ELOC: variants seen among roughly 807,000 people sequenced by gnomAD.
ELOC encodes elongin-C.
For missense variants in ELOC, 38 were observed against 139.0 expected, an observed-to-expected ratio of 0.27 and a Z score of 3.65; for synonymous variants, 40 against 51.3, an observed-to-expected ratio of 0.78 and a Z score of 0.94.
At chr8:73,951,158 G>T (rs1813731453) in intron 3 of ELOC, among the ~76,000 whole-genome samples, 1 of 152,156 alleles carries the variant, frequency 6.6e-6, no homozygotes, top group East Asian at 1.9e-4. Flanking sequence ...TGTAATACCA[G>T]CTACTCAGGA....
At chr8:73,948,265 T>C (rs544572850) in intron 3 of ELOC, among the ~76,000 whole-genome samples, 1 of 152,036 alleles carries the variant, frequency 6.6e-6, no homozygotes, top group South Asian at 2.1e-4. Context: ...TCCCTGTGGG[T>C]TGGAAACTTA....
At chr8:73,959,132 C>A (rs1042769807) in intron 2 of ELOC, among the ~76,000 whole-genome samples, 20 of 152,294 alleles carry the variant, frequency 1.3e-4, no homozygotes, top group African/African-American at 4.6e-4. Context: ...CTGGAAATTG[C>A]TCTGTGTGAG....
chr8:73,967,463 CTTTTCTTTTT>C (rs1230140272), intron 1 of ELOC, among the ~76,000 whole-genome samples: 1 of 136,744 alleles, frequency 7.3e-6, no homozygotes, highest in Non-Finnish European at 1.6e-5. Flanking sequence ...ATATAATTTT[CTTTTCTTTTT>C]TTTTTTTTTT....
chr8:73,952,376 C>T (rs1425210944), intron 3 of ELOC, among the ~76,000 whole-genome samples: 1 of 151,416 alleles, frequency 6.6e-6, no homozygotes, highest in African/African-American at 2.4e-5. Context: ...CACTGCACTC[C>T]AGCCTGGGTG....
rs369086622 is a variant in ELOC, at chr8:73,946,310, G to A, written c.*320C>T. The A allele has an allele frequency of 1.5e-5, 3 of 204,008 alleles. No homozygotes were observed. Among genetic ancestry groups the A allele is most frequent in the South Asian group, 1.4e-4 (1 of 7,082 alleles). 12.6% of individuals were successfully genotyped at this position (204,008 alleles called of 1,614,324 possible). On this transcript the variant is annotated 3_prime_UTR_variant, in exon 4 of 4. Coordinates refer to ENST00000520242, the MANE Select transcript of ELOC (RefSeq NM_005648.4). ...TAGCCTCATTATTTCCCTGTAGAAC[G>A]TATTGATTTACACCTAAATTTCAGT...
rs185970821 is a variant in ELOC at position 73,948,925 on chromosome 8, G to C, written c.149-2105C>G. On this transcript the variant is annotated intron_variant, in intron 3 of 3. Coordinates refer to ENST00000520242, the MANE Select transcript of ELOC (RefSeq NM_005648.4). Reference sequence around the variant, plus strand: ...AGGAATTCCATTGTTTCCTCCTTTAGTTTTTTTAAAAATATGATCATGTTA... The same window carrying C: ...AGGAATTCCATTGTTTCCTCCTTTACTTTTTTTAAAAATATGATCATGTTA... Among the ~76,000 whole-genome samples, 671 of 152,196 alleles carry C rather than the reference G, an allele frequency of 4.4e-3. 1 individual carries two copies. The highest frequency in any genetic ancestry group is 0.015 in the African/African-American group (618 of 41,522).
chr8:73,952,318 C>CG (rs1813827387), intron 3 of ELOC, among the ~76,000 whole-genome samples: 1 of 151,472 alleles, frequency 6.6e-6, no homozygotes, highest in African/African-American at 2.4e-5. Context: ...ACAGGAGAAT[C>CG]GGTTGAGGGT....
chr8:73,959,964 TG>T, intron 1 of ELOC, 146 bp from the exon 2 acceptor site: 1 of 417,980 alleles, frequency 2.4e-6, no homozygotes, highest in Non-Finnish European at 4.2e-6. Flanking sequence ...ACAAAAACAC[TG>T]TACTTTTATA....
At chr8:73,962,934 G>C (rs1057223722) in intron 1 of ELOC, among the ~76,000 whole-genome samples, 3 of 152,282 alleles carry the variant, frequency 2.0e-5, no homozygotes, top group Middle Eastern at 3.4e-3. Flanking sequence ...CAATCCATAA[G>C]TTATCTAAAG....
At chr8:73,961,602 C>T (rs959038858) in intron 1 of ELOC, among the ~76,000 whole-genome samples, 2 of 152,096 alleles carry the variant, frequency 1.3e-5, no homozygotes, top group Non-Finnish European at 1.5e-5. Context: ...CAACCTCTGC[C>T]TCCCAGGTTC....
chr8:73,953,136 T>C (rs1813886562), intron 3 of ELOC, among the ~76,000 whole-genome samples: 1 of 150,572 alleles, frequency 6.6e-6, no homozygotes, highest in African/African-American at 2.4e-5. Context: ...GAGATCCCAT[T>C]TCTACCAAAA....
chr8:73,963,522 C>A (rs1390364339), intron 1 of ELOC, among the ~76,000 whole-genome samples: 1 of 152,074 alleles, frequency 6.6e-6, no homozygotes. Flanking sequence ...ATTTTGCATC[C>A]CGTCATTTTT....
chr8:73,971,031 T>A (rs1378049718), intron 1 of ELOC, among the ~76,000 whole-genome samples: 5 of 36,880 alleles, frequency 1.4e-4, no homozygotes, highest in African/African-American at 2.0e-4. Context: ...AGACTCCGTC[T>A]CAAAAAAAAA....
chr8:73,960,086 T>C (rs937984211), intron 1 of ELOC, among the ~76,000 whole-genome samples: 1 of 152,126 alleles, frequency 6.6e-6, no homozygotes, highest in Admixed American at 6.6e-5. Context: ...TATAAATTGA[T>C]TGGGGGTGGG....
At chr8:73,966,888 C>G (rs72661857) in intron 1 of ELOC, among the ~76,000 whole-genome samples, 2,307 of 152,246 alleles carry the variant, frequency 0.015, 35 homozygotes, top group Non-Finnish European at 0.022. Flanking sequence ...TTGCTGCTAT[C>G]ATTTCTGAAG....
chr8:73,952,249 C>G (rs947104824), intron 3 of ELOC, among the ~76,000 whole-genome samples: 1 of 151,712 alleles, frequency 6.6e-6, no homozygotes, highest in Admixed American at 6.6e-5. Context: ...ACTAAAAACA[C>G]AAAAACTAGC....
At chr8:73,962,022 A>G (rs1814640829) in intron 1 of ELOC, among the ~76,000 whole-genome samples, 1 of 151,852 alleles carries the variant, frequency 6.6e-6, no homozygotes, top group African/African-American at 2.4e-5. Flanking sequence ...CAGCCTCCCG[A>G]GTAGCTGGGA....
At chr8:73,953,926 G>T (rs1195490252) in intron 3 of ELOC, among the ~76,000 whole-genome samples, 1 of 152,210 alleles carries the variant, frequency 6.6e-6, no homozygotes, top group Non-Finnish European at 1.5e-5. Flanking sequence ...GCCAAAATGT[G>T]TCAACAACCC....
intron 1 of ELOC, among the ~76,000 whole-genome samples, chr8:73,965,053 A>C (rs932011938): frequency 6.7e-6 from 1 of 148,644 alleles, no homozygotes; most frequent in Non-Finnish European, 1.5e-5. Flanking sequence ...AAAAAAAAAA[A>C]CTCTCAAAAA....
Sources: gnomAD v4.1 joint callset for allele counts (sites outside exome capture counted in the v4.1 genomes callset) on GRCh38, gnomAD v4.1.1 for gene constraint, MANE v1.5 for transcripts, NCBI Gene and HGNC (gene_info 2026-07-23, HGNC 2026-07-21) for gene names.